Variants in LY9 observed in about 807,000 individuals in gnomAD.
LY9 encodes lymphocyte antigen 9.
LY9 carries 59 observed loss-of-function variants against 64.6 expected under a neutral mutation model. The observed-to-expected ratio is 0.91, with a 90% CI of 0.74 to 1.13. The LOEUF is 1.13. Ranked by LOEUF, LY9 falls within the 50% of genes most tolerant of loss-of-function variation. LY9 has a pLI of 0.00. For synonymous variants in LY9, 281 were observed against 308.5 expected, an observed-to-expected ratio of 0.91 and a Z score of 0.93; for missense variants, 789 against 797.2, an observed-to-expected ratio of 0.99 and a Z score of 0.12.
chr1:160,821,219 C>T (rs933026748), intron 7 of LY9, among the ~76,000 whole-genome samples: 2 of 148,980 alleles, frequency 1.3e-5, no homozygotes, highest in Non-Finnish European at 3.0e-5. Flanking sequence ...TTCCAAATTC[C>T]ATCTCCAGGT....
intron 2 of LY9, chr1:160,802,742 C>T: frequency 3.4e-6 from 3 of 876,422 alleles, no homozygotes; most frequent in Non-Finnish European, 2.7e-6. Context: ...TATCTTTTCT[C>T]CCCAGTGTAA....
At chr1:160,802,371 C>G (rs1439665570) in intron 2 of LY9, 12 of 988,104 alleles carry the variant, frequency 1.2e-5, no homozygotes, top group Non-Finnish European at 1.4e-5. Context: ...GCGGCCCCCT[C>G]TCAGCCAGGC....
chr1:160,819,855 G>GGAAGGGAGGGAA (rs1338613233), intron 7 of LY9, among the ~76,000 whole-genome samples: 16 of 82,882 alleles, frequency 1.9e-4, no homozygotes, highest in Non-Finnish European at 3.7e-4. Context: ...AAGGAAGGAA[G>GGAAGGGAGGGAA]GGAGGGAGGG....
At chr1:160,799,569 GTGTT>G (rs1666241375) in intron 1 of LY9, 180 bp from the exon 2 acceptor site, 1 of 565,628 alleles carries the variant, frequency 1.8e-6, no homozygotes, top group African/African-American at 1.9e-5. Flanking sequence ...AAGGGAGACA[GTGTT>G]TGGGGAATGG....
intron 2 of LY9, chr1:160,812,662 C>G (rs1320226237): frequency 6.6e-6 from 1 of 152,286 alleles, no homozygotes; most frequent in East Asian, 1.9e-4. Context: ...AAACCCATAA[C>G]AGTAATTGCC....
In LY9 at chr1:160,799,772, G is replaced by A. The variant is rs1434492161; in HGVS notation, c.144G>A (p.Lys48=). The change falls in exon 2 of 10, where the codon AAG becomes AAA. Residue 48 remains lysine, a synonymous_variant. Coordinates refer to ENST00000263285, the MANE Select transcript of LY9 (RefSeq NM_002348.4). ...CTGCAGGACTAAGAGCCTCTGGAAA[G>A]GACTCAGCCCCAACAGTGGTGTCAG... ...FLLMGLRASG[K]DSAPTVVSGI... is the part of the protein sequence containing the mutation. The A allele has an allele frequency of 4.3e-6, 7 of 1,613,176 alleles. No homozygotes were observed. The highest frequency in any genetic ancestry group is 5.1e-6 in the Non-Finnish European group (6 of 1,179,404).
chr1:160,814,960 C>G, intron 4 of LY9, 199 bp downstream of exon 4: 1 of 595,534 alleles, frequency 1.7e-6, no homozygotes, highest in Non-Finnish European at 3.0e-6. Flanking sequence ...GTCTACCCGC[C>G]AAAGTGCCCC....
intron 2 of LY9, among the ~76,000 whole-genome samples, chr1:160,801,503 G>A (rs1347015915): frequency 2.6e-5 from 4 of 152,092 alleles, no homozygotes; most frequent in Non-Finnish European, 4.4e-5. Flanking sequence ...CATTCAACTC[G>A]TTGTCTCTTC....
intron 1 of LY9, chr1:160,797,173 G>A (rs1411817418): frequency 9.1e-6 from 9 of 985,396 alleles, no homozygotes; most frequent in African/African-American, 1.7e-5. Flanking sequence ...AGCAGATAGA[G>A]CCAATCCAGT....
intron 2 of LY9, among the ~76,000 whole-genome samples, chr1:160,808,139 T>C (rs1183842758): frequency 6.6e-6 from 1 of 152,200 alleles, no homozygotes; most frequent in Admixed American, 6.5e-5. Context: ...CAGGAGCTTT[T>C]GCCCAGCTTG....
chr1:160,821,417 T>A (rs1462792739), intron 7 of LY9, among the ~76,000 whole-genome samples: 3 of 152,204 alleles, frequency 2.0e-5, no homozygotes, highest in African/African-American at 4.8e-5. Flanking sequence ...TAACAGTACA[T>A]CCCAGCAATA....
intron 9 of LY9, among the ~76,000 whole-genome samples, chr1:160,827,359 C>G (rs982081902): frequency 6.6e-6 from 1 of 152,184 alleles, no homozygotes; most frequent in African/African-American, 2.4e-5. Flanking sequence ...ATGGTCTGGA[C>G]CATTACTTTG....
chr1:160,823,528 C>T lies in LY9; in HGVS notation c.1562C>T (p.Pro521Leu). 1 of 1,614,198 alleles carries T rather than the reference C, an allele frequency of 6.2e-7. No homozygotes were observed. The highest frequency in any genetic ancestry group is 8.5e-7 in the Non-Finnish European group (1 of 1,180,024). ...LSQGYEKLDT[P>L]LRPARQQPTP... is the part of the protein sequence containing the mutation. ...CAAGGATATGAGAAGCTGGACACTC[C>T]CCTCAGGCCTGCCAGGCAACAGCCT... is the stretch of plus-strand genomic sequence containing the variant. Residue 521 changes from proline to leucine, a missense_variant, in exon 8 of 10, where the codon CCC becomes CTC. Transcript: ENST00000263285.
chr1:160,825,690 A>T (rs369425572), intron 9 of LY9, among the ~76,000 whole-genome samples: 28 of 152,268 alleles, frequency 1.8e-4, no homozygotes, highest in African/African-American at 6.7e-4. Context: ...CAGGTGGATC[A>T]CCTGAGGTCA....
chr1:160,814,334 A>G, intron 3 of LY9, 86 bp from the exon 4 acceptor site: 1 of 984,538 alleles, frequency 1.0e-6, no homozygotes, highest in Non-Finnish European at 1.5e-6. Context: ...GAGGGACTTC[A>G]GTCCCCTCAG....
intron 2 of LY9, among the ~76,000 whole-genome samples, chr1:160,809,415 G>A (rs1667289061): frequency 6.6e-6 from 1 of 151,342 alleles, no homozygotes; most frequent in African/African-American, 2.4e-5. Context: ...TTGTTGTCCA[G>A]GCTAGTCGCA....
chr1:160,796,462 G>A (rs766104438), intron 1 of LY9, 151 bp downstream of exon 1: 14 of 935,558 alleles, frequency 1.5e-5, no homozygotes, highest in East Asian at 7.5e-5. Flanking sequence ...GCGCAATCTC[G>A]GCTCACTGCA....
At chr1:160,804,048 G>T (rs1381888340) in intron 2 of LY9, among the ~76,000 whole-genome samples, 1 of 152,136 alleles carries the variant, frequency 6.6e-6, no homozygotes, top group East Asian at 1.9e-4. Flanking sequence ...GGAACAATTT[G>T]TCTTTCTCTT....
chr1:160,802,824 T>A (rs529628356), intron 2 of LY9: 2 of 257,156 alleles, frequency 7.8e-6, no homozygotes, highest in Non-Finnish European at 1.2e-5. Flanking sequence ...TCTATTCTGT[T>A]CCATTGGTCT....
Sources: gnomAD v4.1 joint callset for allele counts (sites outside exome capture counted in the v4.1 genomes callset) on GRCh38, gnomAD v4.1.1 for gene constraint, MANE v1.5 for transcripts, NCBI Gene and HGNC (gene_info 2026-07-23, HGNC 2026-07-21) for gene names.